ACAD11: variants seen among roughly 807,000 people sequenced by gnomAD.
ACAD11 encodes the protein acyl-CoA dehydrogenase family member 11, also known as acyl-Coenzyme A dehydrogenase family, member 11.
In ACAD11, 83 loss-of-function variants were observed where a neutral mutation model predicts 102.2. That is an observed-to-expected ratio of 0.81 (90% CI 0.68 to 0.97). The LOEUF is 0.97. Ranked by LOEUF, ACAD11 falls within the 50% of genes least tolerant of loss-of-function variation. The pLI is 0.00. For synonymous variants in ACAD11, 324 were observed against 319.8 expected, an observed-to-expected ratio of 1.01 and a Z score of -0.14; for missense variants, 901 against 951.7, an observed-to-expected ratio of 0.95 and a Z score of 0.70.
Position 132,626,714 on chromosome 3 carries a change from GT to G in ACAD11, c.1173del (p.Lys391AsnfsTer11). On this transcript the variant is annotated frameshift_variant, in exon 9 of 20. Transcript: ENST00000264990. LOFTEE classifies it high-confidence loss of function. ...EVLIKVKHFM[K>X]QHILPAEKEV... ...ACCTTTTCAGCTGGAAGAATGTGTT[GT>G]TTCATGAAATGCTTCACCTTAATAA... is the stretch of plus-strand genomic sequence containing the variant. 1 of 1,613,654 alleles carries G rather than the reference GT, an allele frequency of 6.2e-7. No individual in the cohort carries two copies. The highest frequency in any genetic ancestry group is 1.1e-5 in the South Asian group (1 of 91,066).
At chr3:132,596,747 G>C (rs1938326077) in intron 13 of ACAD11, among the ~76,000 whole-genome samples, 1 of 152,186 alleles carries the variant, frequency 6.6e-6, no homozygotes, top group Non-Finnish European at 1.5e-5. Flanking sequence ...GACAAGGATA[G>C]AGAAAGTACA....
chr3:132,638,239 C>T (rs1313170424), intron 5 of ACAD11, among the ~76,000 whole-genome samples: 6 of 151,768 alleles, frequency 4.0e-5, no homozygotes, highest in African/African-American at 7.3e-5. Context: ...TTAAAAGGTA[C>T]ACAATGTCAA....
At chr3:132,581,218 T>C (rs1937592552) in intron 13 of ACAD11, among the ~76,000 whole-genome samples, 1 of 151,976 alleles carries the variant, frequency 6.6e-6, no homozygotes, top group South Asian at 2.1e-4. Context: ...GGATGCTAGA[T>C]GAAAATGAAT....
chr3:132,558,901 A>T lies in ACAD11; in HGVS notation c.*70T>A, dbSNP rs974519788. 3.4e-5 allele frequency: 39 copies of T among 1,135,076 alleles called. No homozygotes were observed. In the Middle Eastern group the frequency reaches 7.9e-4, roughly 23 times the overall value. The allele number at this position is 1,135,076 out of a possible 1,614,324, so 70.3% of individuals were successfully genotyped here. A position where few individuals can be genotyped will look rare whatever the true frequency, so the allele number is the denominator to read the frequency against. Reference sequence around the variant, plus strand: ...AAACTGCTACAAAAATATGAGATTCAAATGTTGGAGCCAATGAAGTTTGTA... The same window carrying T: ...AAACTGCTACAAAAATATGAGATTCTAATGTTGGAGCCAATGAAGTTTGTA... On this transcript the variant is annotated 3_prime_UTR_variant, in exon 20 of 20. Coordinates refer to ENST00000264990, the MANE Select transcript of ACAD11 (RefSeq NM_032169.5).
intron 13 of ACAD11, chr3:132,602,141 T>G (rs1938635033): frequency 6.0e-6 from 1 of 166,814 alleles, no homozygotes; most frequent in Non-Finnish European, 1.5e-5. Context: ...TTTCCTGTTT[T>G]TTTTAAATTT....
intron 5 of ACAD11, among the ~76,000 whole-genome samples, chr3:132,635,671 G>A (rs532670529): frequency 5.3e-5 from 8 of 152,304 alleles, no homozygotes; most frequent in South Asian, 2.1e-4. Context: ...TATAGTTCAT[G>A]TATGAGTTTC....
intron 11 of ACAD11, among the ~76,000 whole-genome samples, chr3:132,611,465 C>T (rs145590337): frequency 6.6e-6 from 1 of 152,138 alleles, no homozygotes; most frequent in African/African-American, 2.4e-5. Context: ...GAGTATATAT[C>T]TAGAAAACCC....
chr3:132,635,248 GTGATA>G (rs1331335688), intron 5 of ACAD11, among the ~76,000 whole-genome samples: 1 of 151,990 alleles, frequency 6.6e-6, no homozygotes, highest in Non-Finnish European at 1.5e-5. Context: ...ATATATAGGA[GTGATA>G]TGACATGATC....
intron 4 of ACAD11, among the ~76,000 whole-genome samples, chr3:132,640,943 T>TAC (rs1940471219): frequency 6.6e-6 from 1 of 152,118 alleles, no homozygotes. Flanking sequence ...ACTCCAAATT[T>TAC]TATCTTTCCT....
chr3:132,598,987 T>C (rs1290656314), intron 13 of ACAD11, among the ~76,000 whole-genome samples: 1 of 152,074 alleles, frequency 6.6e-6, no homozygotes, highest in Non-Finnish European at 1.5e-5. Context: ...AAGGAGGTAT[T>C]GAGGAGGAGT....
chr3:132,625,515 A>T (rs1490129218), intron 9 of ACAD11, among the ~76,000 whole-genome samples: 2 of 152,172 alleles, frequency 1.3e-5, no homozygotes, highest in African/African-American at 4.8e-5. Context: ...AACAAACACT[A>T]ACTAGATCAG....
chr3:132,658,756 G>A (rs1341853206), intron 1 of ACAD11, among the ~76,000 whole-genome samples: 3 of 152,130 alleles, frequency 2.0e-5, no homozygotes, highest in Non-Finnish European at 4.4e-5. Flanking sequence ...AGTAGTCAAA[G>A]AATATAAATG....
intron 13 of ACAD11, among the ~76,000 whole-genome samples, chr3:132,586,563 A>G (rs1396675498): frequency 6.6e-6 from 1 of 152,180 alleles, no homozygotes; most frequent in Non-Finnish European, 1.5e-5. Flanking sequence ...TATGTTGGGC[A>G]AAATTATCTG....
At chr3:132,600,781 G>T (rs779103362) in intron 13 of ACAD11, 1 of 1,614,042 alleles carries the variant, frequency 6.2e-7, no homozygotes, top group Non-Finnish European at 8.5e-7. Context: ...CTGGAATGCA[G>T]TTTCTGGCTT....
intron 7 of ACAD11, among the ~76,000 whole-genome samples, chr3:132,629,486 T>C (rs1187281947): frequency 6.6e-6 from 1 of 152,214 alleles, no homozygotes; most frequent in Non-Finnish European, 1.5e-5. Flanking sequence ...ATGTCAATCA[T>C]AATCCATGTC....
intron 12 of ACAD11, among the ~76,000 whole-genome samples, chr3:132,604,001 G>C (rs1336530505): frequency 6.6e-6 from 1 of 152,018 alleles, no homozygotes; most frequent in African/African-American, 2.4e-5. Context: ...TTAGAAAGAG[G>C]GCTGTGTATT....
At position 132,559,137 on chromosome 3, in the gene ACAD11, G is replaced by T. The variant is rs903347764; in HGVS notation, c.2229-52C>A. On this transcript the variant is annotated intron_variant, in intron 19 of 19. Coordinates refer to ENST00000264990, the MANE Select transcript of ACAD11 (RefSeq NM_032169.5). ...ACAGGGAGTTATGGAAGAGGAACAT[G>T]ATACTTTGACATCAGTCACTCTGAT... is the stretch of plus-strand genomic sequence containing the variant. 1.5e-5 allele frequency: 19 copies of T among 1,255,510 alleles called. No individual in the cohort carries two copies. In the Admixed American group the frequency reaches 1.7e-4, roughly 11 times the overall value. The allele number at this position is 1,255,510 out of a possible 1,614,324, so 77.8% of individuals were successfully genotyped here.
chr3:132,658,006 C>A (rs145403308), intron 1 of ACAD11, among the ~76,000 whole-genome samples: 5,702 of 151,754 alleles, frequency 0.038, 358 homozygotes, highest in African/African-American at 0.13. Context: ...GGACTACAGG[C>A]ACGTGCCACC....
chr3:132,592,702 G>T (rs1382014660), intron 13 of ACAD11, among the ~76,000 whole-genome samples: 1 of 152,162 alleles, frequency 6.6e-6, no homozygotes, highest in Non-Finnish European at 1.5e-5. Context: ...TACCAACATA[G>T]AATTTCTGAG....
Sources: gnomAD v4.1 joint callset for allele counts (sites outside exome capture counted in the v4.1 genomes callset) on GRCh38, gnomAD v4.1.1 for gene constraint, MANE v1.5 for transcripts, NCBI Gene and HGNC (gene_info 2026-07-23, HGNC 2026-07-21) for gene names.